Variants in GPC3 observed in about 807,000 individuals in gnomAD.
GPC3 encodes glypican-3.
Under a neutral mutation model 34.4 loss-of-function variants are expected in GPC3, and 3 were observed. The ratio of observed to expected loss-of-function variants is 0.09; its 90% CI spans 0.04 to 0.23. GPC3 has a LOEUF of 0.23. GPC3 is among the 10% of genes least tolerant of loss of function. The pLI, the probability that GPC3 is intolerant of heterozygous loss-of-function variation, is 1.00. For missense variants in GPC3, 351 were observed against 445.6 expected, an observed-to-expected ratio of 0.79 and a Z score of 1.91; for synonymous variants, 177 against 174.0, an observed-to-expected ratio of 1.02 and a Z score of -0.13.
chrX:133,545,549 G>C (rs1214575805), intron 7 of GPC3, among the ~76,000 whole-genome samples: 2 of 110,756 alleles, frequency 1.8e-5, no homozygotes, highest in African/African-American at 6.6e-5. Context: ...AAGGAGAGAG[G>C]GGGAGCTAAT....
In GPC3 at chrX:133,916,527, C is replaced by T. The variant is rs181714012; in HGVS notation, c.337+36523G>A. Among the ~76,000 whole-genome samples the T allele has an allele frequency of 2.7e-5, 3 of 111,582 alleles. No individual in the cohort carries two copies. The East Asian group carries it at 8.4e-4, about 31-fold the overall frequency. ...TAATTTTCCCACTGTCTAACCCCCC[C>T]ATAGGGTATATTACCATTCCCTAAG... On this transcript the variant is annotated intron_variant, in intron 2 of 7. Transcript: ENST00000370818.
chrX:133,929,542 T>C (rs2076289633), intron 2 of GPC3, among the ~76,000 whole-genome samples: 1 of 111,879 alleles, frequency 8.9e-6, no homozygotes, highest in South Asian at 3.8e-4. Flanking sequence ...AAGACATTTT[T>C]ACTCTTTCTT....
chrX:133,824,841 T>A (rs1180193375), intron 2 of GPC3, among the ~76,000 whole-genome samples: 1 of 112,279 alleles, frequency 8.9e-6, no homozygotes, highest in Non-Finnish European at 1.9e-5. Flanking sequence ...GCAAAAAAAT[T>A]GCGAGAATTA....
intron 2 of GPC3, among the ~76,000 whole-genome samples, chrX:133,789,942 C>CA (rs2072143053): frequency 9.0e-6 from 1 of 111,536 alleles, no homozygotes; most frequent in Admixed American, 9.5e-5. Context: ...TTTAGCTCCC[C>CA]AAGGCTATCA....
intron 7 of GPC3, among the ~76,000 whole-genome samples, chrX:133,595,344 T>C (rs973044132): frequency 5.4e-5 from 6 of 111,218 alleles, no homozygotes; most frequent in Non-Finnish European, 1.1e-4. Flanking sequence ...TTCTTCCATA[T>C]AGAGCAATCT....
intron 6 of GPC3, among the ~76,000 whole-genome samples, chrX:133,656,635 G>T (rs2070667952): frequency 8.9e-6 from 1 of 111,921 alleles, no homozygotes; most frequent in Admixed American, 9.5e-5. Flanking sequence ...TTCGAAAACA[G>T]GTCACCTATC....
At chrX:133,921,709 T>G (rs1440821644) in intron 2 of GPC3, among the ~76,000 whole-genome samples, 1 of 112,431 alleles carries the variant, frequency 8.9e-6, no homozygotes, top group East Asian at 2.8e-4. Flanking sequence ...TGACTTGAAC[T>G]TTGACCGTAG....
intron 3 of GPC3, among the ~76,000 whole-genome samples, chrX:133,704,955 G>A: frequency 9.0e-6 from 1 of 111,037 alleles, no homozygotes; most frequent in East Asian, 2.8e-4. Context: ...TCATTCTCAG[G>A]CCCCTATTCA....
At chrX:133,546,092 T>G (rs1445430861) in intron 7 of GPC3, among the ~76,000 whole-genome samples, 3 of 111,641 alleles carry the variant, frequency 2.7e-5, no homozygotes, top group Non-Finnish European at 3.8e-5. Context: ...CTCCACAAGG[T>G]AGTCATTTCT....
At position 133,838,960 on chromosome X, in the gene GPC3, G is replaced by A. The variant is rs141360270; in HGVS notation, c.338-84784C>T. ...GGCAGCTGATCCAATTCCCCCACAC[G>A]GTGGCAAAAGAATGCAGCTTTGCAG... On this transcript the variant is annotated intron_variant, in intron 2 of 7. Coordinates refer to ENST00000370818, the MANE Select transcript of GPC3 (RefSeq NM_004484.4). Among the ~76,000 whole-genome samples the A allele has an allele frequency of 6.6e-3, 730 of 111,354 alleles. 3 individuals carry two copies. Among genetic ancestry groups the A allele is most frequent in the Non-Finnish European group, 0.011 (591 of 53,166 alleles).
intron 7 of GPC3, among the ~76,000 whole-genome samples, chrX:133,569,426 T>C (rs1456063989): frequency 9.0e-6 from 1 of 111,339 alleles, no homozygotes; most frequent in Non-Finnish European, 1.9e-5. Context: ...GTGTGACTGA[T>C]TTGGAAACCA....
chrX:133,685,757 GT>G lies in GPC3; in HGVS notation c.1292+6611del, dbSNP rs754793187. ...AAGATGAACATGCATTCATAACATA[GT>G]TTTTTTTTTTTTTTTTTAAGAGATG... is the stretch of plus-strand genomic sequence containing the variant. On this transcript the variant is annotated intron_variant, in intron 5 of 7. Transcript: ENST00000370818. Among the ~76,000 whole-genome samples, 869 of 95,375 alleles carry G rather than the reference GT, an allele frequency of 9.1e-3. 1 individual carries two copies. The highest frequency in any genetic ancestry group is 0.015 in the African/African-American group (401 of 26,377). The allele number at this position is 95,375 out of a possible 115,157, so 82.8% of individuals were successfully genotyped here.
At chrX:133,701,513 CAA>C (rs2071167621) in intron 3 of GPC3, among the ~76,000 whole-genome samples, 1 of 112,366 alleles carries the variant, frequency 8.9e-6, no homozygotes, top group East Asian at 2.8e-4. Context: ...TACCAGTCCT[CAA>C]AAACATAGCC....
At chrX:133,604,858 C>A (rs2070029239) in intron 6 of GPC3, among the ~76,000 whole-genome samples, 1 of 111,808 alleles carries the variant, frequency 8.9e-6, no homozygotes, top group Non-Finnish European at 1.9e-5. Context: ...GCTTTGGGGT[C>A]CTGGCTTTCC....
intron 7 of GPC3, among the ~76,000 whole-genome samples, chrX:133,578,440 G>A (rs2069705586): frequency 8.9e-6 from 1 of 112,234 alleles, no homozygotes; most frequent in African/African-American, 3.2e-5. Flanking sequence ...TGTAATCCCA[G>A]CACTTTGGGA....
chrX:133,767,558 T>C (rs2071861740), intron 2 of GPC3, among the ~76,000 whole-genome samples: 1 of 111,583 alleles, frequency 9.0e-6, no homozygotes, highest in African/African-American at 3.3e-5. Flanking sequence ...GGCCAAGATC[T>C]TGACAGTTTC....
chrX:133,746,955 C>T, intron 3 of GPC3, among the ~76,000 whole-genome samples: 1 of 111,652 alleles, frequency 9.0e-6, no homozygotes, highest in Non-Finnish European at 1.9e-5. Flanking sequence ...TACAGTCACT[C>T]ACACTGACAG....
intron 5 of GPC3, among the ~76,000 whole-genome samples, chrX:133,681,169 C>T (rs1475282340): frequency 9.0e-6 from 1 of 111,541 alleles, no homozygotes; most frequent in African/African-American, 3.3e-5. Flanking sequence ...GTGTTCCAGG[C>T]ACTATACTCT....
chrX:133,889,022 T>C (rs1311173319), intron 2 of GPC3, among the ~76,000 whole-genome samples: 1 of 112,338 alleles, frequency 8.9e-6, no homozygotes, highest in East Asian at 2.8e-4. Flanking sequence ...ACTTATGATG[T>C]AAATGGAACA....
Sources: gnomAD v4.1 joint callset for allele counts (sites outside exome capture counted in the v4.1 genomes callset) on GRCh38, gnomAD v4.1.1 for gene constraint, MANE v1.5 for transcripts, NCBI Gene and HGNC (gene_info 2026-07-23, HGNC 2026-07-21) for gene names.